ZFPM2: variants seen among roughly 807,000 people sequenced by gnomAD.
ZFPM2 encodes zinc finger protein, FOG family member 2, also known as zinc finger protein ZFPM2.
A neutral mutation model predicts 98.6 loss-of-function variants in ZFPM2; 20 were observed. The ratio of observed to expected loss-of-function variants is 0.20; its 90% CI spans 0.14 to 0.29. The LOEUF (loss-of-function observed/expected upper bound fraction) is 0.29, where lower values mean the gene tolerates loss of function less well. Ranked by LOEUF, ZFPM2 falls within the 10% of genes least tolerant of loss-of-function variation. The pLI, the probability that ZFPM2 is intolerant of heterozygous loss-of-function variation, is 1.00. For missense variants in ZFPM2, 1,310 were observed against 1,388.6 expected, an observed-to-expected ratio of 0.94 and a Z score of 0.90; for synonymous variants, 518 against 502.7, an observed-to-expected ratio of 1.03 and a Z score of -0.41.
At chr8:105,489,448 T>TATATATATATATATATATA (rs1489973438) in intron 3 of ZFPM2, among the ~76,000 whole-genome samples, 4 of 108,828 alleles carry the variant, frequency 3.7e-5, no homozygotes, top group African/African-American at 1.5e-4. Context: ...ATATATGTTT[T>TATATATATATATATATATA]TATATATATA....
intron 2 of ZFPM2, among the ~76,000 whole-genome samples, chr8:105,421,527 A>G (rs1811792160): frequency 6.6e-6 from 1 of 152,194 alleles, no homozygotes. Context: ...CACTGAAGTC[A>G]GTTGGAACTG....
At chr8:105,369,197 G>T (rs1453768637) in intron 1 of ZFPM2, among the ~76,000 whole-genome samples, 1 of 152,068 alleles carries the variant, frequency 6.6e-6, no homozygotes, top group African/African-American at 2.4e-5. Context: ...CTCAATATCA[G>T]GTTTTCACAA....
intron 5 of ZFPM2, among the ~76,000 whole-genome samples, chr8:105,692,058 AGAGTCTATAGTG>A (rs1167137151): frequency 6.6e-6 from 1 of 152,226 alleles, no homozygotes; most frequent in Non-Finnish European, 1.5e-5. Context: ...ATGCTCTTTT[AGAGTCTATAGTG>A]GACTCCAAAG....
chr8:105,664,442 C>G (rs982348915), intron 5 of ZFPM2, among the ~76,000 whole-genome samples: 1 of 151,982 alleles, frequency 6.6e-6, no homozygotes, highest in Non-Finnish European at 1.5e-5. Flanking sequence ...TCAAGCGATT[C>G]TCCTGCCTCA....
At chr8:105,680,394 A>T (rs997298855) in intron 5 of ZFPM2, among the ~76,000 whole-genome samples, 2 of 152,170 alleles carry the variant, frequency 1.3e-5, no homozygotes, top group African/African-American at 2.4e-5. Flanking sequence ...ATTTGAACTG[A>T]GCTGCTCTCC....
chr8:105,695,378 ATTTTTTTT>A (rs1165726984), intron 5 of ZFPM2, among the ~76,000 whole-genome samples: 2,018 of 74,858 alleles, frequency 0.027, 25 homozygotes, highest in Middle Eastern at 0.039. Context: ...AATGGTTTGT[ATTTTTTTT>A]TTTTTTTTTT....
At chr8:105,498,140 A>G (rs984058763) in intron 3 of ZFPM2, among the ~76,000 whole-genome samples, 18 of 152,026 alleles carry the variant, frequency 1.2e-4, no homozygotes, top group African/African-American at 3.6e-4. Context: ...TGAGGCTGCA[A>G]TGAGCTTTGA....
chr8:105,611,660 C>T (rs1816309381), intron 4 of ZFPM2, among the ~76,000 whole-genome samples: 1 of 151,688 alleles, frequency 6.6e-6, no homozygotes, highest in Admixed American at 6.6e-5. Context: ...AAGAAACATT[C>T]AATCTCCTTT....
At chr8:105,720,021 C>G (rs764475902) in intron 5 of ZFPM2, among the ~76,000 whole-genome samples, 21 of 151,830 alleles carry the variant, frequency 1.4e-4, no homozygotes, top group Non-Finnish European at 2.9e-4. Flanking sequence ...CACAGCCAAC[C>G]TTAACTGGCA....
intron 1 of ZFPM2, among the ~76,000 whole-genome samples, chr8:105,334,059 A>G (rs1333174899): frequency 6.6e-6 from 1 of 150,860 alleles, no homozygotes; most frequent in Non-Finnish European, 1.5e-5. Flanking sequence ...TAAAATGTAT[A>G]CATTGTGGAA....
chr8:105,712,664 GATA>G (rs1472588917), intron 5 of ZFPM2, among the ~76,000 whole-genome samples: 9 of 152,020 alleles, frequency 5.9e-5, no homozygotes, highest in Non-Finnish European at 1.3e-4. Context: ...CCATCACCCA[GATA>G]GTGAACATAG....
chr8:105,332,653 A>G (rs967842893), intron 1 of ZFPM2, among the ~76,000 whole-genome samples: 4 of 151,688 alleles, frequency 2.6e-5, no homozygotes, highest in African/African-American at 9.7e-5. Flanking sequence ...TAAGTACACT[A>G]TGATTTAATC....
intron 3 of ZFPM2, among the ~76,000 whole-genome samples, chr8:105,450,915 T>G (rs1812472551): frequency 6.6e-6 from 1 of 152,030 alleles, no homozygotes; most frequent in Non-Finnish European, 1.5e-5. Context: ...AGTAAAAAAG[T>G]TCTCTTTTAT....
chr8:105,373,858 T>G (rs1437925867), intron 1 of ZFPM2, among the ~76,000 whole-genome samples: 1 of 152,204 alleles, frequency 6.6e-6, no homozygotes, highest in East Asian at 1.9e-4. Flanking sequence ...AGGCAGAGAC[T>G]TTTAATAAGC....
At position 105,441,454 on chromosome 8, in the gene ZFPM2, G is replaced by GA. The variant is rs71512502; in HGVS notation, c.200-2823dup. ...AAAGAAAGAGAGAGAGAGAGAGAGA[G>GA]AAAGAAAGAAAGAAAGAAAGAAAGA... is the stretch of plus-strand genomic sequence containing the variant. On this transcript the variant is annotated intron_variant, in intron 2 of 7. Coordinates refer to ENST00000407775, the MANE Select transcript of ZFPM2 (RefSeq NM_012082.4). Among the ~76,000 whole-genome samples the GA allele has an allele frequency of 2.2e-4, 12 of 54,328 alleles. 4 individuals carry two copies. Among genetic ancestry groups the GA allele is most frequent in the African/African-American group, 1.3e-3 (12 of 8,964 alleles). 35.6% of individuals were successfully genotyped at this position (54,328 alleles called of 152,430 possible).
chr8:105,375,075 A>G lies in ZFPM2; in HGVS notation c.41-44069A>G, dbSNP rs950693675. Among the ~76,000 whole-genome samples the G allele has an allele frequency of 1.5e-4, 23 of 152,156 alleles. 1 individual carries two copies. Among genetic ancestry groups the G allele is most frequent in the African/African-American group, 5.6e-4 (23 of 41,424 alleles). ...GTATTTGGGGGCAAGGATTTTGGAG[A>G]TAATAATTTGTGACTATTATTTGAT... is the stretch of plus-strand genomic sequence containing the variant. On this transcript the variant is annotated intron_variant, in intron 1 of 7. Transcript: ENST00000407775.
chr8:105,780,724 A>G (rs1465128510), intron 5 of ZFPM2, among the ~76,000 whole-genome samples: 1 of 152,132 alleles, frequency 6.6e-6, no homozygotes, highest in African/African-American at 2.4e-5. Context: ...CCTACTAAGA[A>G]TACAAAAAAT....
intron 5 of ZFPM2, among the ~76,000 whole-genome samples, chr8:105,647,240 C>G (rs1586171847): frequency 1.3e-5 from 2 of 152,282 alleles, no homozygotes; most frequent in African/African-American, 4.8e-5. Context: ...ATAATCTGCC[C>G]TGTCTCTTTG....
chr8:105,352,586 CG>C (rs1204908080), intron 1 of ZFPM2, among the ~76,000 whole-genome samples: 2 of 149,040 alleles, frequency 1.3e-5, no homozygotes, highest in Non-Finnish European at 3.0e-5. Flanking sequence ...CCCATTTTAC[CG>C]TTTTTTTTTT....
Sources: gnomAD v4.1 joint callset for allele counts (sites outside exome capture counted in the v4.1 genomes callset) on GRCh38, gnomAD v4.1.1 for gene constraint, MANE v1.5 for transcripts, NCBI Gene and HGNC (gene_info 2026-07-23, HGNC 2026-07-21) for gene names.